ITIH4: variants seen among roughly 807,000 people sequenced by gnomAD.
The protein encoded by ITIH4 is inter-alpha-trypsin inhibitor heavy chain 4, also known as inter-alpha-trypsin inhibitor heavy chain H4.
A neutral mutation model predicts 111.8 loss-of-function variants in ITIH4; 79 were observed. The observed-to-expected ratio is 0.71, with a 90% CI of 0.59 to 0.85. The LOEUF (loss-of-function observed/expected upper bound fraction) is 0.85, where lower values mean the gene tolerates loss of function less well. Ranked by LOEUF, ITIH4 falls within the 40% of genes least tolerant of loss-of-function variation. The pLI, the probability that ITIH4 is intolerant of heterozygous loss-of-function variation, is 0.00. For synonymous variants in ITIH4, 472 were observed against 468.3 expected (o/e 1.01, Z -0.10); for missense variants, 1,065 against 1,195.8 (o/e 0.89, Z 1.61).
In ITIH4 at chr3:52,830,545, C is replaced by G. The variant is rs757155166; in HGVS notation, c.90+8G>C. ...CCAGCTCACGCCACACCCATGGACA[C>G]TGGCTACCTTTTCGGCAGTAGTAGT... On this transcript the variant is annotated splice_region_variant and intron_variant, in intron 1 of 23. Transcript: ENST00000266041. The G allele has an allele frequency of 1.2e-6, 2 of 1,613,752 alleles. No homozygotes were observed. The highest frequency in any genetic ancestry group is 1.7e-6 in the Non-Finnish European group (2 of 1,179,624).
At chr3:52,823,781 C>T in intron 10 of ITIH4, 40 bp from the exon 11 acceptor site, 1 of 1,613,770 alleles carries the variant, frequency 6.2e-7, no homozygotes. Context: ...GGCTTTATGA[C>T]TGCCCACTTC....
At position 52,815,488 on chromosome 3, in the gene ITIH4, T is replaced by C. The variant is rs181162125; in HGVS notation, c.2472-1125A>G. Among the ~76,000 whole-genome samples the C allele has an allele frequency of 2.6e-4, 39 of 152,062 alleles. No individual in the cohort carries two copies. The Middle Eastern group carries it at 0.014, about 53-fold the overall frequency. Reference sequence around the variant, plus strand: ...AATTCCTGACCTTAGGTGATCCACCTGCGCTGGCCTCCCAAAGTGCTGGGA... The same window carrying C: ...AATTCCTGACCTTAGGTGATCCACCCGCGCTGGCCTCCCAAAGTGCTGGGA... On this transcript the variant is annotated intron_variant, in intron 21 of 23. Coordinates refer to ENST00000266041, the MANE Select transcript of ITIH4 (RefSeq NM_002218.5).
At chr3:52,818,783 CT>C (rs1195662878) in intron 17 of ITIH4, 3 of 541,348 alleles carry the variant, frequency 5.5e-6, no homozygotes, top group Non-Finnish European at 6.6e-6. Context: ...CCTCTGTTGG[CT>C]TTCTGAACGG....
Position 52,828,820 on chromosome 3 carries a change from A to G in ITIH4, c.251+299T>C, listed in dbSNP as rs144670629. ...ACTCCCTCTTGCCTGGTCTGGCCTC[A>G]GGAGGCCTCAAGTCTGTGCTCCTCA... On this transcript the variant is annotated intron_variant, in intron 2 of 23. Coordinates refer to ENST00000266041, the MANE Select transcript of ITIH4 (RefSeq NM_002218.5). 7.9e-5 allele frequency among the ~76,000 whole-genome samples: 12 copies of G among 152,316 alleles called. No individual in the cohort carries two copies. The East Asian group carries it at 2.3e-3, about 29-fold the overall frequency.
At chr3:52,825,475 G>A (rs528452012) in intron 6 of ITIH4, among the ~76,000 whole-genome samples, 1 of 151,632 alleles carries the variant, frequency 6.6e-6, no homozygotes, top group South Asian at 2.1e-4. Context: ...GTGCACGCCT[G>A]TAGTCCCAGC....
In ITIH4 at chr3:52,819,418, G is replaced by A; in HGVS notation, c.2052C>T (p.Tyr684=). ...AGATGGCCAGACGGCGGAAGGGGTG[G>A]TAAGCAGCATGGTCAGGAACATCAG... The part of the protein sequence containing the change: ...GPPDVPDHAA[Y]HPFRRLAILP... Residue 684 remains tyrosine, a synonymous_variant, in exon 17 of 24, where the codon TAC becomes TAT. Coordinates refer to ENST00000266041, the MANE Select transcript of ITIH4 (RefSeq NM_002218.5). 6.2e-7 allele frequency: 1 copy of A among 1,614,130 alleles called. No homozygotes were observed. Among genetic ancestry groups the A allele is most frequent in the Non-Finnish European group, 8.5e-7 (1 of 1,179,986 alleles).
In ITIH4 at chr3:52,816,889, C is replaced by A; in HGVS notation, c.2466G>T (p.Met822Ile). ...GGCTCCAGCCTGGGCCTTACCCGGG[C>A]ATCACTGAGAATAGCGTCTCCTTCC... ...YKWKETLFSV[M>I]PGLKMTMDKT... The change falls in exon 21 of 24, where the codon ATG (methionine) becomes ATT (isoleucine). Residue 822 changes from methionine (M) to isoleucine (I), a missense_variant. Transcript: ENST00000266041. 1 of 1,613,378 alleles carries A rather than the reference C, an allele frequency of 6.2e-7. No homozygotes were observed. Among genetic ancestry groups the A allele is most frequent in the African/African-American group, 1.3e-5 (1 of 75,030 alleles).
Position 52,818,295 on chromosome 3 carries a change from A to G in ITIH4, c.2153-12T>C. 6.3e-7 allele frequency: 1 copy of G among 1,576,132 alleles called. No individual in the cohort carries two copies. The highest frequency in any genetic ancestry group is 8.6e-7 in the Non-Finnish European group (1 of 1,162,782). On this transcript the variant is annotated splice_polypyrimidine_tract_variant and intron_variant, in intron 18 of 23. Transcript: ENST00000266041. ...TGTCATGGTTGTTTCTAAAAGAAGA[A>G]AAAGTCTGGGTTTAGGCAGCCCCTT...
chr3:52,813,586 AG>A, intron 23 of ITIH4, 96 bp from the exon 24 acceptor site: 3 of 1,056,274 alleles, frequency 2.8e-6, no homozygotes, highest in Non-Finnish European at 4.5e-6. Flanking sequence ...CATGGAGGGC[AG>A]GGAGTCCTGG....
intron 1 of ITIH4, 34 bp from the exon 2 acceptor site, chr3:52,829,313 T>C (rs1700533212): frequency 6.3e-7 from 1 of 1,582,008 alleles, no homozygotes; most frequent in Non-Finnish European, 8.6e-7. Flanking sequence ...GTTGCAGGGT[T>C]TCAATGCCAC....
Position 52,820,665 on chromosome 3 carries a change from C to T in ITIH4, c.1800G>A (p.Glu600=), listed in dbSNP as rs751085738. ...SMVVTKPDDQ[E]QSQVAEKPME... Reference sequence around the variant, plus strand: ...TGGGCTTCTCAGCAACTTGAGACTGCTCTTGGTCATCGGGTTTGGTGACTA... The same window carrying T: ...TGGGCTTCTCAGCAACTTGAGACTGTTCTTGGTCATCGGGTTTGGTGACTA... Residue 600 remains glutamate (E), a synonymous_variant, in exon 13 of 24, where the codon GAG becomes GAA. Coordinates refer to ENST00000266041, the MANE Select transcript of ITIH4 (RefSeq NM_002218.5). 7 of 1,613,630 alleles carry T rather than the reference C, an allele frequency of 4.3e-6. No individual in the cohort carries two copies. The East Asian group carries it at 1.6e-4, about 36-fold the overall frequency.
At chr3:52,815,099 T>C (rs1472394429) in intron 21 of ITIH4, among the ~76,000 whole-genome samples, 1 of 152,220 alleles carries the variant, frequency 6.6e-6, no homozygotes, top group Non-Finnish European at 1.5e-5. Flanking sequence ...CTTGCCTTTC[T>C]GGTGTTCTCA....
intron 2 of ITIH4, 121 bp from the exon 3 acceptor site, chr3:52,827,318 G>T: frequency 1.3e-6 from 1 of 798,154 alleles, no homozygotes; most frequent in Non-Finnish European, 2.1e-6. Flanking sequence ...TCCCATCTTT[G>T]CCTGAGCCCA....
chr3:52,822,066 A>T (rs962519869), intron 11 of ITIH4, among the ~76,000 whole-genome samples: 1 of 152,244 alleles, frequency 6.6e-6, no homozygotes, highest in Non-Finnish European at 1.5e-5. Context: ...GATCTGGGCC[A>T]GGTGCGGTGG....
chr3:52,813,269 T>G lies in ITIH4; in HGVS notation c.*152A>C. On this transcript the variant is annotated 3_prime_UTR_variant, in exon 24 of 24. Coordinates refer to ENST00000266041, the MANE Select transcript of ITIH4 (RefSeq NM_002218.5). ...GCCCTAGGATTTGGCCACATGGAACTGGAGACACCCACTTCCCAGGCTCAC... is the reference window on the plus strand; with the variant it reads ...GCCCTAGGATTTGGCCACATGGAACGGGAGACACCCACTTCCCAGGCTCAC... 1.4e-6 allele frequency: 1 copy of G among 712,090 alleles called. No individual in the cohort carries two copies. The highest frequency in any genetic ancestry group is 2.5e-6 in the Non-Finnish European group (1 of 401,964). The allele number at this position is 712,090 out of a possible 1,614,324, so 44.1% of individuals were successfully genotyped here.
chr3:52,820,389 A>C, intron 13 of ITIH4, 72 bp from the exon 14 acceptor site: 1 of 1,520,756 alleles, frequency 6.6e-7, no homozygotes, highest in Non-Finnish European at 9.1e-7. Context: ...GGTGGTTTTC[A>C]TCAATTTGAA....
intron 21 of ITIH4, among the ~76,000 whole-genome samples, chr3:52,815,921 G>C (rs1212924612): frequency 6.6e-6 from 1 of 152,032 alleles, no homozygotes; most frequent in East Asian, 1.9e-4. Context: ...CCTGAGCTCA[G>C]GCAATCCACC....
At chr3:52,829,032 C>A in intron 2 of ITIH4, 87 bp downstream of exon 2, 1 of 1,290,014 alleles carries the variant, frequency 7.8e-7, no homozygotes, top group Admixed American at 2.3e-5. Context: ...GCATGCCTTA[C>A]TTCAAGAAGA....
intron 21 of ITIH4, among the ~76,000 whole-genome samples, chr3:52,815,388 C>T (rs570486266): frequency 3.3e-5 from 5 of 151,844 alleles, no homozygotes; most frequent in South Asian, 4.2e-4. Context: ...GGATTACAGG[C>T]GTGCCACCAC....
Sources: allele counts gnomAD v4.1 joint callset (sites outside exome capture counted in the v4.1 genomes callset), GRCh38; gene constraint gnomAD v4.1.1; transcripts MANE v1.5; gene names NCBI Gene and HGNC (gene_info 2026-07-23, HGNC 2026-07-21).